Variants in CTTNBP2 observed in about 807,000 individuals in gnomAD.
CTTNBP2 encodes cortactin-binding protein 2.
CTTNBP2 carries 108 observed loss-of-function variants against 156.9 expected under a neutral mutation model. That is an observed-to-expected ratio of 0.69 (90% confidence interval 0.59 to 0.81). The LOEUF (loss-of-function observed/expected upper bound fraction) is 0.81, where lower values mean the gene tolerates loss of function less well. CTTNBP2 is among the 30% of genes least tolerant of loss of function. The pLI, the probability that CTTNBP2 is intolerant of heterozygous loss-of-function variation, is 0.00. For missense variants in CTTNBP2, 1,924 were observed against 2,035.4 expected (o/e 0.95, Z 1.05); for synonymous variants, 767 against 751.8 (o/e 1.02, Z -0.33).
intron 2 of CTTNBP2, among the ~76,000 whole-genome samples, chr7:117,819,033 T>C (rs1253970312): frequency 6.6e-6 from 1 of 152,070 alleles, no homozygotes; most frequent in African/African-American, 2.4e-5. Context: ...AACTGTTATA[T>C]CCCTCTCAAA....
chr7:117,731,682 T>G (rs1254491746), intron 16 of CTTNBP2, among the ~76,000 whole-genome samples: 1 of 152,208 alleles, frequency 6.6e-6, no homozygotes, highest in East Asian at 1.9e-4. Context: ...ATGCTATGAC[T>G]GACTGACGGG....
At chr7:117,848,765 A>T (rs1802757137) in intron 2 of CTTNBP2, among the ~76,000 whole-genome samples, 1 of 152,200 alleles carries the variant, frequency 6.6e-6, no homozygotes, top group Non-Finnish European at 1.5e-5. Flanking sequence ...CTTATTATTA[A>T]AAGGTTTGTA....
chr7:117,749,194 T>G (rs1796494999), intron 12 of CTTNBP2, among the ~76,000 whole-genome samples: 1 of 152,190 alleles, frequency 6.6e-6, no homozygotes, highest in Non-Finnish European at 1.5e-5. Flanking sequence ...TCCAGAGGTA[T>G]ATGGTTAATT....
intron 2 of CTTNBP2, among the ~76,000 whole-genome samples, chr7:117,833,429 T>A (rs1455022522): frequency 6.6e-6 from 1 of 152,176 alleles, no homozygotes; most frequent in East Asian, 1.9e-4. Flanking sequence ...TTAAAACAAA[T>A]CCTGAGTGCA....
rs1333130671 is a variant in CTTNBP2, at chr7:117,760,609, T to C, written c.2998A>G (p.Ile1000Val). 4.3e-6 allele frequency: 7 copies of C among 1,614,150 alleles called. No homozygotes were observed. The highest frequency in any genetic ancestry group is 5.9e-6 in the Non-Finnish European group (7 of 1,179,994). The part of the protein sequence containing the change: ...ECENTICALN[I>V]RKQTSWDDFS... ...TCATCCCATGATGTCTGTTTGCGGA[T>C]ATTTAAAGCACATATTGTGTTTTCA... The change falls in exon 10 of 23, where the codon ATC (isoleucine) becomes GTC (valine). Residue 1000 changes from isoleucine (I) to valine (V), a missense_variant. Transcript: ENST00000160373.
At chr7:117,811,126 A>G in intron 2 of CTTNBP2, 137 bp from the exon 3 acceptor site, 1 of 659,782 alleles carries the variant, frequency 1.5e-6, no homozygotes, top group Non-Finnish European at 2.6e-6. Flanking sequence ...GTCAGTGGTG[A>G]GTGAGAGGCA....
In CTTNBP2 at chr7:117,747,654, T is replaced by C. The variant is rs528186418; in HGVS notation, c.3349-1555A>G. Among the ~76,000 whole-genome samples, 4 of 152,268 alleles carry C rather than the reference T, an allele frequency of 2.6e-5. No homozygotes were observed. In the South Asian group the frequency reaches 8.3e-4, roughly 32 times the overall value. ...CAGGTGTGGTGGTGGGTGCCTGTAATACCAGTTACTTGGGAGGTTGAGGCA... is the reference window on the plus strand; with the variant it reads ...CAGGTGTGGTGGTGGGTGCCTGTAACACCAGTTACTTGGGAGGTTGAGGCA... On this transcript the variant is annotated intron_variant, in intron 12 of 22. Transcript: ENST00000160373.
intron 2 of CTTNBP2, among the ~76,000 whole-genome samples, chr7:117,843,371 T>C (rs1802388300): frequency 1.3e-5 from 2 of 152,164 alleles, no homozygotes; most frequent in Non-Finnish European, 2.9e-5. Flanking sequence ...AGATTGCATG[T>C]AGTGTAGACA....
At chr7:117,832,908 G>A (rs546770539) in intron 2 of CTTNBP2, among the ~76,000 whole-genome samples, 46 of 90,864 alleles carry the variant, frequency 5.1e-4, no homozygotes, top group African/African-American at 1.5e-3. Flanking sequence ...CACCACACCC[G>A]GCTTTTTTTT....
intron 8 of CTTNBP2, among the ~76,000 whole-genome samples, chr7:117,768,746 C>T (rs1206781711): frequency 6.6e-6 from 1 of 152,064 alleles, no homozygotes; most frequent in African/African-American, 2.4e-5. Flanking sequence ...CTACTATCTG[C>T]TTTCTAATAT....
At chr7:117,823,286 G>A (rs1350234099) in intron 2 of CTTNBP2, among the ~76,000 whole-genome samples, 1 of 152,020 alleles carries the variant, frequency 6.6e-6, no homozygotes, top group Non-Finnish European at 1.5e-5. Flanking sequence ...CGAAAAATAA[G>A]CAATTATGAT....
intron 1 of CTTNBP2, chr7:117,872,091 A>C (rs753161224): frequency 8.6e-5 from 43 of 499,898 alleles, no homozygotes; most frequent in East Asian, 1.5e-4. Context: ...CAAAAGTTCA[A>C]ATCAAAACTT....
At chr7:117,863,387 G>A (rs758975721) in intron 1 of CTTNBP2, among the ~76,000 whole-genome samples, 5 of 152,174 alleles carry the variant, frequency 3.3e-5, no homozygotes, top group African/African-American at 7.2e-5. Flanking sequence ...AAAATCCAAT[G>A]TACCAAGTCT....
chr7:117,715,475 T>TAAAAA lies in CTTNBP2; in HGVS notation c.4746+2538_4746+2542dup, dbSNP rs398048025. 6.4e-4 allele frequency among the ~76,000 whole-genome samples: 75 copies of TAAAAA among 116,372 alleles called. 4 individuals are homozygous for TAAAAA. The highest frequency in any genetic ancestry group is 4.5e-3 in the Middle Eastern group (1 of 220). 76.3% of individuals were successfully genotyped at this position (116,372 alleles called of 152,430 possible). On this transcript the variant is annotated intron_variant, in intron 22 of 22. Transcript: ENST00000160373. ...CAGACTAGAGTCCAGGCCCTGAAGT[T>TAAAAA]AAAAAAAAAAAAAAAAAAGAAGCCT...
chr7:117,828,708 T>C (rs987191193), intron 2 of CTTNBP2, among the ~76,000 whole-genome samples: 1 of 152,234 alleles, frequency 6.6e-6, no homozygotes, highest in Non-Finnish European at 1.5e-5. Flanking sequence ...TTCTGCTATT[T>C]ATATTACATC....
At chr7:117,717,467 A>G (rs576139600) in intron 22 of CTTNBP2, among the ~76,000 whole-genome samples, 3 of 151,938 alleles carry the variant, frequency 2.0e-5, no homozygotes, top group Non-Finnish European at 2.9e-5. Context: ...CGCATCCACA[A>G]TTTTGTTTTC....
intron 10 of CTTNBP2, among the ~76,000 whole-genome samples, chr7:117,758,633 T>A (rs1297890393): frequency 2.6e-5 from 4 of 152,166 alleles, no homozygotes; most frequent in Non-Finnish European, 5.9e-5. Flanking sequence ...TCACCTGTAA[T>A]TGCGTTTATC....
At chr7:117,821,971 C>T (rs764036162) in intron 2 of CTTNBP2, among the ~76,000 whole-genome samples, 12 of 151,984 alleles carry the variant, frequency 7.9e-5, no homozygotes, top group Admixed American at 2.6e-4. Flanking sequence ...TTTGGGATTA[C>T]GATACTCTGA....
At chr7:117,866,101 T>C (rs1804177346) in intron 1 of CTTNBP2, among the ~76,000 whole-genome samples, 1 of 151,826 alleles carries the variant, frequency 6.6e-6, no homozygotes, top group African/African-American at 2.4e-5. Flanking sequence ...TTCTTCAGGA[T>C]TTTTTCTCAT....
Sources: allele counts gnomAD v4.1 joint callset (sites outside exome capture counted in the v4.1 genomes callset), GRCh38; gene constraint gnomAD v4.1.1; transcripts MANE v1.5; gene names NCBI Gene and HGNC (gene_info 2026-07-23, HGNC 2026-07-21).